NRG3: variants seen among roughly 807,000 people sequenced by gnomAD.
NRG3 encodes the protein neuregulin 3, also known as pro-neuregulin-3, membrane-bound isoform.
In NRG3, 31 loss-of-function variants were observed where a neutral mutation model predicts 66.9. The ratio of observed to expected loss-of-function variants is 0.46; its 90% CI spans 0.35 to 0.63. NRG3 has a LOEUF of 0.63. Among genes scored for constraint, NRG3 ranks in the 20% least tolerant of loss-of-function variants. The pLI, the probability that NRG3 is intolerant of heterozygous loss-of-function variation, is 0.00. For synonymous variants in NRG3, 393 were observed against 359.4 expected, an observed-to-expected ratio of 1.09 and a Z score of -1.06; for missense variants, 910 against 878.9, an observed-to-expected ratio of 1.04 and a Z score of -0.45.
At chr10:82,984,964 C>A (rs538457355) in intron 8 of NRG3, 134 bp from the exon 9 acceptor site, 1 of 1,280,414 alleles carries the variant, frequency 7.8e-7, no homozygotes, top group Non-Finnish European at 1.1e-6. Flanking sequence ...TAACTGGGAA[C>A]CTATTATCCG....
chr10:82,875,519 A>G (rs2136016717), intron 4 of NRG3, among the ~76,000 whole-genome samples: 1 of 152,190 alleles, frequency 6.6e-6, no homozygotes, highest in East Asian at 1.9e-4. Flanking sequence ...CACCATGTGC[A>G]GCTAATTTTT....
rs1481604310 is a variant in NRG3 at position 82,501,975 on chromosome 10, G to A, written c.953+143107G>A. 4.6e-5 allele frequency among the ~76,000 whole-genome samples: 7 copies of A among 152,070 alleles called. No homozygotes were observed. The East Asian group carries it at 1.2e-3, about 25-fold the overall frequency. ...CTGCCTGGCACATAACATAGGAGCC[G>A]CTCAGTGAATGATTGCTGAAGGACT... On this transcript the variant is annotated intron_variant, in intron 2 of 8. Transcript: ENST00000372141.
At chr10:82,076,149 C>A (rs2065078394) in intron 1 of NRG3, among the ~76,000 whole-genome samples, 1 of 152,110 alleles carries the variant, frequency 6.6e-6, no homozygotes, top group African/African-American at 2.4e-5. Context: ...CAATACATGA[C>A]AGACATCGAT....
chr10:82,104,266 A>G (rs1203735481), intron 1 of NRG3, among the ~76,000 whole-genome samples: 1 of 152,206 alleles, frequency 6.6e-6, no homozygotes, highest in Admixed American at 6.5e-5. Flanking sequence ...TATTAAACTT[A>G]TAAATTAAAG....
At chr10:81,895,036 CCT>C (rs1351690436) in intron 1 of NRG3, among the ~76,000 whole-genome samples, 5 of 152,254 alleles carry the variant, frequency 3.3e-5, no homozygotes, top group African/African-American at 4.8e-5. Flanking sequence ...CCTGTAGCTC[CCT>C]GTTTTTTGGC....
chr10:82,709,894 C>G (rs1011215726), intron 2 of NRG3, among the ~76,000 whole-genome samples: 5 of 152,162 alleles, frequency 3.3e-5, no homozygotes, highest in Admixed American at 1.3e-4. Flanking sequence ...GTCTTCAAAT[C>G]AGAAGCTGCT....
intron 1 of NRG3, among the ~76,000 whole-genome samples, chr10:82,119,023 G>T (rs1052570245): frequency 6.6e-6 from 1 of 152,092 alleles, no homozygotes; most frequent in Non-Finnish European, 1.5e-5. Flanking sequence ...TTATTTTATT[G>T]TAAATTGACA....
intron 1 of NRG3, among the ~76,000 whole-genome samples, chr10:82,345,877 G>A (rs980602827): frequency 6.6e-6 from 1 of 151,372 alleles, no homozygotes; most frequent in South Asian, 2.1e-4. Flanking sequence ...TCTGTTGTTG[G>A]TGTATAAGAA....
chr10:82,863,722 G>C (rs182119540), intron 3 of NRG3, among the ~76,000 whole-genome samples: 44 of 152,000 alleles, frequency 2.9e-4, no homozygotes, highest in Non-Finnish European at 5.9e-4. Flanking sequence ...TTTATTCTTT[G>C]TATTGCACAT....
At chr10:82,769,228 T>G (rs2059625302) in intron 3 of NRG3, among the ~76,000 whole-genome samples, 1 of 152,260 alleles carries the variant, frequency 6.6e-6, no homozygotes, top group Admixed American at 6.5e-5. Context: ...TATTACATAA[T>G]TCTCATGTGA....
intron 2 of NRG3, among the ~76,000 whole-genome samples, chr10:82,679,897 T>G (rs2053990821): frequency 6.6e-6 from 1 of 152,206 alleles, no homozygotes; most frequent in Non-Finnish European, 1.5e-5. Flanking sequence ...GTTTATGTAC[T>G]AACCTTTATT....
intron 1 of NRG3, among the ~76,000 whole-genome samples, chr10:81,967,580 G>A (rs2133339603): frequency 6.6e-6 from 1 of 152,058 alleles, no homozygotes; most frequent in East Asian, 1.9e-4. Context: ...ATTTATGCGT[G>A]CTTATATAGT....
At chr10:82,766,242 A>C (rs2059508354) in intron 3 of NRG3, among the ~76,000 whole-genome samples, 2 of 152,188 alleles carry the variant, frequency 1.3e-5, no homozygotes, top group African/African-American at 4.8e-5. Context: ...AAACAGCAGC[A>C]ACCACCACTT....
chr10:82,909,493 T>C (rs1845106244), intron 4 of NRG3, among the ~76,000 whole-genome samples: 1 of 152,064 alleles, frequency 6.6e-6, no homozygotes, highest in Non-Finnish European at 1.5e-5. Flanking sequence ...GTTTATTCAG[T>C]GACCCCAAGG....
rs185185088 is a variant in NRG3, at chr10:82,166,261, C to T, written c.824-192478C>T. Among the ~76,000 whole-genome samples the T allele has an allele frequency of 5.8e-3, 884 of 152,220 alleles. 9 individuals are homozygous for T. Among genetic ancestry groups the T allele is most frequent in the Middle Eastern group, 0.027 (8 of 294 alleles). ...CTCTAACTCCTGACCTCAGGTGATC[C>T]GCCCGCCTTGGCCTCCCAAAGTGCT... On this transcript the variant is annotated intron_variant, in intron 1 of 8. Transcript: ENST00000372141.
chr10:81,895,954 G>A (rs1434331580), intron 1 of NRG3, among the ~76,000 whole-genome samples: 2 of 152,120 alleles, frequency 1.3e-5, no homozygotes, highest in East Asian at 3.9e-4. Flanking sequence ...CATTACTAGA[G>A]GGTAAATGTT....
chr10:82,349,986 C>A (rs2083325014), intron 1 of NRG3, among the ~76,000 whole-genome samples: 1 of 152,142 alleles, frequency 6.6e-6, no homozygotes, highest in Non-Finnish European at 1.5e-5. Context: ...GTGAGATGAA[C>A]CCGGTACCTC....
chr10:82,139,393 T>C (rs2069603294), intron 1 of NRG3, among the ~76,000 whole-genome samples: 1 of 152,198 alleles, frequency 6.6e-6, no homozygotes, highest in East Asian at 1.9e-4. Flanking sequence ...AGTATATTTG[T>C]GCTTAATGCC....
intron 2 of NRG3, among the ~76,000 whole-genome samples, chr10:82,502,081 G>A (rs1405633019): frequency 6.6e-6 from 1 of 152,194 alleles, no homozygotes; most frequent in Non-Finnish European, 1.5e-5. Context: ...TCATTTGAAT[G>A]CTATGGGTGA....
Sources: allele counts gnomAD v4.1 joint callset (sites outside exome capture counted in the v4.1 genomes callset), GRCh38; gene constraint gnomAD v4.1.1; transcripts MANE v1.5; gene names NCBI Gene and HGNC (gene_info 2026-07-23, HGNC 2026-07-21).